The following GALNT13 variants were observed in gnomAD, a reference collection of about 807,000 sequenced individuals.
GALNT13 encodes UDP-GalNAc:polypeptide N-acetylgalactosaminyltransferase 13.
Under a neutral mutation model 64.2 loss-of-function variants are expected in GALNT13, and 28 were observed. The observed-to-expected ratio is 0.44, with a 90% CI of 0.32 to 0.60. The LOEUF is 0.60. GALNT13 is among the 20% of genes least tolerant of loss of function. The pLI is 0.05. For synonymous variants in GALNT13, 214 were observed against 224.6 expected (o/e 0.95, Z 0.42); for missense variants, 577 against 669.8 (o/e 0.86, Z 1.53).
chr2:154,103,971 C>G (rs1702478121), intron 3 of GALNT13, among the ~76,000 whole-genome samples: 2 of 152,024 alleles, frequency 1.3e-5, no homozygotes, highest in Non-Finnish European at 2.9e-5. Context: ...ATTGGGTAAA[C>G]CAATGATGAG....
At chr2:153,137,554 A>T in the GALNT13 span, among the ~76,000 whole-genome samples, 12,909 of 152,052 alleles carry the variant, frequency 0.085, 636 homozygotes, top group Non-Finnish European at 0.11. Flanking sequence ...TGGGTTTGGG[A>T]TCCATCTCTG....
At chr2:153,873,840 T>C (rs558303308) in intron 1 of GALNT13, among the ~76,000 whole-genome samples, 6 of 151,810 alleles carry the variant, frequency 4.0e-5, no homozygotes, top group African/African-American at 1.5e-4. Flanking sequence ...CTCTCTCTCT[T>C]TTTCTGTGTC....
At chr2:153,554,517 A>T in the GALNT13 span, among the ~76,000 whole-genome samples, 1 of 152,248 alleles carries the variant, frequency 6.6e-6, no homozygotes, top group Non-Finnish European at 1.5e-5. Flanking sequence ...TTTCTGATGA[A>T]TTTTTTCAAA....
At chr2:153,254,927 G>A in the GALNT13 span, among the ~76,000 whole-genome samples, 3 of 152,076 alleles carry the variant, frequency 2.0e-5, no homozygotes, top group African/African-American at 7.2e-5. Flanking sequence ...GTGTGGTACT[G>A]AAAAAAATGT....
chr2:153,213,942 A>T, the GALNT13 span, among the ~76,000 whole-genome samples: 79 of 152,282 alleles, frequency 5.2e-4, no homozygotes, highest in East Asian at 7.7e-4. Context: ...AACATAACTC[A>T]GCTTGTCTTT....
the GALNT13 span, among the ~76,000 whole-genome samples, chr2:153,372,095 T>A: frequency 3.5e-3 from 534 of 152,286 alleles, 3 homozygotes; most frequent in African/African-American, 0.012. Context: ...GTTTCTGACT[T>A]AGTGTGTGTT....
the GALNT13 span, among the ~76,000 whole-genome samples, chr2:153,148,220 T>C: frequency 6.6e-6 from 1 of 151,868 alleles, no homozygotes; most frequent in African/African-American, 2.4e-5. Context: ...TTTGTGGGTG[T>C]TGAATGCTTC....
chr2:153,263,764 AC>A, the GALNT13 span, among the ~76,000 whole-genome samples: 1 of 152,132 alleles, frequency 6.6e-6, no homozygotes, highest in Non-Finnish European at 1.5e-5. Flanking sequence ...TTAAAACTGG[AC>A]CCCTTCCTTA....
the GALNT13 span, among the ~76,000 whole-genome samples, chr2:153,563,393 A>G: frequency 6.6e-6 from 1 of 151,916 alleles, no homozygotes; most frequent in African/African-American, 2.4e-5. Flanking sequence ...CTAATTTATC[A>G]TCAGATTTTT....
chr2:154,384,155 A>G (rs1421953658), intron 9 of GALNT13, among the ~76,000 whole-genome samples: 1 of 151,970 alleles, frequency 6.6e-6, no homozygotes, highest in Non-Finnish European at 1.5e-5. Context: ...TTTTGTTCAA[A>G]AAGATTTTTC....
chr2:153,576,011 G>A, the GALNT13 span, among the ~76,000 whole-genome samples: 1 of 152,126 alleles, frequency 6.6e-6, no homozygotes, highest in Non-Finnish European at 1.5e-5. Context: ...CAGTGTAGGT[G>A]CCCTTCTGGC....
the GALNT13 span, among the ~76,000 whole-genome samples, chr2:153,353,756 A>T: frequency 6.6e-6 from 1 of 152,106 alleles, no homozygotes; most frequent in Non-Finnish European, 1.5e-5. Flanking sequence ...ACACTAATTG[A>T]TTTTCAAATG....
chr2:153,185,691 T>C, the GALNT13 span, among the ~76,000 whole-genome samples: 1 of 152,228 alleles, frequency 6.6e-6, no homozygotes, highest in Non-Finnish European at 1.5e-5. Context: ...AACTTCTTGA[T>C]TTCTGCTTTA....
At chr2:153,683,702 A>C in the GALNT13 span, among the ~76,000 whole-genome samples, 1 of 151,648 alleles carries the variant, frequency 6.6e-6, no homozygotes, top group Non-Finnish European at 1.5e-5. Context: ...AGTCCCAAGG[A>C]GGCTCTCTCT....
intron 8 of GALNT13, among the ~76,000 whole-genome samples, chr2:154,270,583 G>A (rs1691300729): frequency 1.3e-5 from 2 of 150,744 alleles, no homozygotes; most frequent in East Asian, 1.9e-4. Context: ...GAAAATGAAG[G>A]GCAAGAGAAA....
intron 4 of GALNT13, among the ~76,000 whole-genome samples, chr2:154,189,519 G>A (rs1686452094): frequency 6.7e-6 from 1 of 148,682 alleles, no homozygotes; most frequent in Admixed American, 6.7e-5. Flanking sequence ...CAGCAACAAG[G>A]AAGAGAGTCC....
the GALNT13 span, among the ~76,000 whole-genome samples, chr2:153,636,119 A>G: frequency 6.6e-6 from 1 of 151,986 alleles, no homozygotes; most frequent in Non-Finnish European, 1.5e-5. Flanking sequence ...ATATAAAAAG[A>G]TTTTTTCTGT....
chr2:153,649,518 GT>G, the GALNT13 span, among the ~76,000 whole-genome samples: 1 of 145,630 alleles, frequency 6.9e-6, no homozygotes, highest in Non-Finnish European at 1.5e-5. Context: ...TTTTGAATGT[GT>G]TTGCTCTTGC....
the GALNT13 span, among the ~76,000 whole-genome samples, chr2:153,176,676 A>G: frequency 6.6e-6 from 1 of 151,764 alleles, no homozygotes; most frequent in Non-Finnish European, 1.5e-5. Context: ...AAAAAAAGCA[A>G]TGATTGAAGG....
Sources: gnomAD v4.1 joint callset for allele counts (sites outside exome capture counted in the v4.1 genomes callset) on GRCh38, gnomAD v4.1.1 for gene constraint, MANE v1.5 for transcripts, NCBI Gene and HGNC (gene_info 2026-07-23, HGNC 2026-07-21) for gene names.